GRM5: variants seen among roughly 807,000 people sequenced by gnomAD.
The protein encoded by GRM5 is metabotropic glutamate receptor 5.
Under a neutral mutation model 83.1 loss-of-function variants are expected in GRM5, and 19 were observed. The ratio of observed to expected loss-of-function variants is 0.23; its 90% CI spans 0.16 to 0.34. GRM5 has a LOEUF of 0.34. Ranked by LOEUF, GRM5 falls within the 10% of genes least tolerant of loss-of-function variation. GRM5 has a pLI of 1.00. For synonymous variants in GRM5, 675 were observed against 633.6 expected (o/e 1.07, Z -0.98); for missense variants, 1,160 against 1,588.3 (o/e 0.73, Z 4.58).
chr11:88,604,554 A>G (rs992043436), intron 5 of GRM5, among the ~76,000 whole-genome samples, 164 bp downstream of exon 5: 1 of 152,158 alleles, frequency 6.6e-6, no homozygotes, highest in Non-Finnish European at 1.5e-5. Context: ...GGCCACAGGA[A>G]ATGGGGCTTC....
intron 3 of GRM5, among the ~76,000 whole-genome samples, chr11:88,825,650 A>T (rs988423292): frequency 2.6e-5 from 4 of 152,202 alleles, no homozygotes; most frequent in African/African-American, 9.6e-5. Flanking sequence ...TTTAAATATG[A>T]ATAAATCTCT....
intron 2 of GRM5, among the ~76,000 whole-genome samples, chr11:88,881,946 C>T (rs1384393499): frequency 6.6e-6 from 1 of 152,052 alleles, no homozygotes; most frequent in Non-Finnish European, 1.5e-5. Context: ...AAATACAAAT[C>T]AGAATTGATG....
intron 3 of GRM5, among the ~76,000 whole-genome samples, chr11:88,793,880 T>C (rs573485664): frequency 2.0e-5 from 3 of 152,262 alleles, no homozygotes; most frequent in African/African-American, 7.2e-5. Context: ...GGCTAAAGTG[T>C]AGTGGTGTGA....
intron 4 of GRM5, among the ~76,000 whole-genome samples, chr11:88,634,270 A>G (rs1939058813): frequency 6.6e-6 from 1 of 152,180 alleles, no homozygotes; most frequent in South Asian, 2.1e-4. Flanking sequence ...AGGCTACACT[A>G]AATTTATAAA....
In GRM5 at chr11:88,885,450, G is replaced by GTTTTTTTTTTTTTT. The variant is rs61456975; in HGVS notation, c.662-35309_662-35296dup. ...TTCTGAATTCTATAGTAGGTACCAT[G>GTTTTTTTTTTTTTT]TTTTTTTTTTTTTTTTTTTTTTTTT... is the stretch of plus-strand genomic sequence containing the variant. On this transcript the variant is annotated intron_variant, in intron 2 of 9. Coordinates refer to ENST00000305447, the MANE Select transcript of GRM5 (RefSeq NM_001143831.3). 1.8e-4 allele frequency among the ~76,000 whole-genome samples: 11 copies of GTTTTTTTTTTTTTT among 62,662 alleles called. 1 individual carries two copies. The highest frequency in any genetic ancestry group is 5.3e-4 in the African/African-American group (9 of 16,890). The allele number at this position is 62,662 out of a possible 152,430, so 41.1% of individuals were successfully genotyped here.
At chr11:88,518,192 T>C (rs994264868) in intron 9 of GRM5, among the ~76,000 whole-genome samples, 3 of 152,072 alleles carry the variant, frequency 2.0e-5, no homozygotes, top group African/African-American at 7.2e-5. Context: ...AAAAATAGAA[T>C]ATACTCTGAG....
chr11:88,516,975 C>T (rs955883132), intron 9 of GRM5, among the ~76,000 whole-genome samples: 1 of 151,848 alleles, frequency 6.6e-6, no homozygotes, highest in Non-Finnish European at 1.5e-5. Context: ...CTTAATATTT[C>T]CAGATTAAGA....
intron 4 of GRM5, among the ~76,000 whole-genome samples, chr11:88,647,804 C>T (rs1939505678): frequency 6.6e-6 from 1 of 152,006 alleles, no homozygotes; most frequent in African/African-American, 2.4e-5. Flanking sequence ...AACAAATTTA[C>T]AAGGAAAAAA....
intron 2 of GRM5, among the ~76,000 whole-genome samples, chr11:88,874,698 AG>A (rs1944822008): frequency 6.6e-6 from 1 of 151,918 alleles, no homozygotes; most frequent in African/African-American, 2.4e-5. Flanking sequence ...GCACCTGAAA[AG>A]GGGTTAATAT....
intron 2 of GRM5, among the ~76,000 whole-genome samples, chr11:88,991,894 T>C (rs1243131928): frequency 6.6e-6 from 1 of 152,062 alleles, no homozygotes; most frequent in Admixed American, 6.6e-5. Flanking sequence ...ACGTTAGACC[T>C]AAAACCATAA....
intron 3 of GRM5, among the ~76,000 whole-genome samples, chr11:88,732,676 G>T (rs1941831773): frequency 1.3e-5 from 2 of 152,188 alleles, no homozygotes; most frequent in African/African-American, 4.8e-5. Flanking sequence ...CAGAATGAGT[G>T]TGAATATATG....
intron 2 of GRM5, among the ~76,000 whole-genome samples, chr11:88,978,411 T>G (rs564392220): frequency 3.9e-4 from 57 of 146,014 alleles, no homozygotes; most frequent in Non-Finnish European, 6.1e-4. Context: ...TGGGCCACAC[T>G]GGAAGAAGAA....
chr11:88,928,952 G>A (rs2135643252), intron 2 of GRM5, among the ~76,000 whole-genome samples: 1 of 144,310 alleles, frequency 6.9e-6, no homozygotes, highest in African/African-American at 2.6e-5. Flanking sequence ...ACACTCAAGA[G>A]TTTATTTCTT....
intron 8 of GRM5, among the ~76,000 whole-genome samples, chr11:88,553,167 A>G (rs1390677982): frequency 6.6e-6 from 1 of 152,130 alleles, no homozygotes; most frequent in Non-Finnish European, 1.5e-5. Flanking sequence ...GATGAAATCA[A>G]TTTTTCTTGT....
chr11:88,633,544 G>C (rs1029226502), intron 4 of GRM5, among the ~76,000 whole-genome samples: 1 of 152,086 alleles, frequency 6.6e-6, no homozygotes, highest in African/African-American at 2.4e-5. Context: ...TGTAACTCAG[G>C]ATGGAGTGCA....
At chr11:88,617,567 T>G (rs1030524038) in intron 4 of GRM5, among the ~76,000 whole-genome samples, 1 of 152,154 alleles carries the variant, frequency 6.6e-6, no homozygotes, top group Admixed American at 6.6e-5. Context: ...GAAAATTCTA[T>G]TTTTGTTTTT....
rs530292319 is a variant in GRM5 at position 88,750,232 on chromosome 11, GA to G, written c.912-96830del. Reference sequence around the variant, plus strand: ...GACACACACAGGATCAAAACAAAAGGATGGAGGAAAAGGGATAGCAAGAAAA... The same window carrying G: ...GACACACACAGGATCAAAACAAAAGGTGGAGGAAAAGGGATAGCAAGAAAA... On this transcript the variant is annotated intron_variant, in intron 3 of 9. Coordinates refer to ENST00000305447, the MANE Select transcript of GRM5 (RefSeq NM_001143831.3). 9.3e-3 allele frequency among the ~76,000 whole-genome samples: 1,420 copies of G among 152,208 alleles called. 18 individuals carry two copies. Among genetic ancestry groups the G allele is most frequent in the African/African-American group, 0.032 (1,334 of 41,520 alleles).
At position 88,920,994 on chromosome 11, in the gene GRM5, A is replaced by G. The variant is rs182362726; in HGVS notation, c.662-70839T>C. 3.9e-5 allele frequency among the ~76,000 whole-genome samples: 6 copies of G among 152,302 alleles called. No homozygotes were observed. In the East Asian group the frequency reaches 1.2e-3, roughly 29 times the overall value. ...TCAAAGCTGGCCTCCTTATAAGTGA[A>G]TGAGATATCAGCAAATTAATAGAAT... On this transcript the variant is annotated intron_variant, in intron 2 of 9. Coordinates refer to ENST00000305447, the MANE Select transcript of GRM5 (RefSeq NM_001143831.3).
At chr11:88,824,550 T>C (rs1325012768) in intron 3 of GRM5, among the ~76,000 whole-genome samples, 2 of 152,116 alleles carry the variant, frequency 1.3e-5, no homozygotes, top group Non-Finnish European at 2.9e-5. Flanking sequence ...GCAAAACTGT[T>C]CCACCTCAGA....
Sources: gnomAD v4.1 joint callset for allele counts (sites outside exome capture counted in the v4.1 genomes callset) on GRCh38, gnomAD v4.1.1 for gene constraint, MANE v1.5 for transcripts, NCBI Gene and HGNC (gene_info 2026-07-23, HGNC 2026-07-21) for gene names.